Variants in IRAK1BP1 observed in about 807,000 individuals in gnomAD.
IRAK1BP1 encodes interleukin 1 receptor associated kinase 1 binding protein 1.
IRAK1BP1 carries 24 observed loss-of-function variants against 28.0 expected under a neutral mutation model. The observed-to-expected ratio is 0.86, with a 90% CI of 0.62 to 1.20. The LOEUF (loss-of-function observed/expected upper bound fraction) is 1.20, where lower values mean the gene tolerates loss of function less well. Ranked by LOEUF, IRAK1BP1 falls within the 50% of genes most tolerant of loss-of-function variation. IRAK1BP1 has a pLI of 0.00. For missense variants in IRAK1BP1, 336 were observed against 316.7 expected, an observed-to-expected ratio of 1.06 and a Z score of -0.46; for synonymous variants, 131 against 116.3, an observed-to-expected ratio of 1.13 and a Z score of -0.81.
downstream of IRAK1BP1, among the ~76,000 whole-genome samples, chr6:78,948,004 G>T (rs1320242038): frequency 6.6e-6 from 1 of 151,720 alleles, no homozygotes; most frequent in African/African-American, 2.4e-5. Context: ...GAACACAGAA[G>T]TTATTAATTT....
intron 4 of IRAK1BP1, chr6:78,941,352 C>CT (rs1206634678): frequency 1.3e-6 from 2 of 1,571,118 alleles, no homozygotes; most frequent in Non-Finnish European, 1.7e-6. Flanking sequence ...CAACAGTACA[C>CT]TTAATATATG....
At chr6:78,967,282 A>C in the IRAK1BP1 span, among the ~76,000 whole-genome samples, 2 of 152,216 alleles carry the variant, frequency 1.3e-5, no homozygotes, top group Non-Finnish European at 2.9e-5. Flanking sequence ...TACTAGTGAC[A>C]CTTAACAAAA....
chr6:78,953,158 G>A, the IRAK1BP1 span, among the ~76,000 whole-genome samples: 7 of 151,790 alleles, frequency 4.6e-5, no homozygotes, highest in Non-Finnish European at 8.8e-5. Context: ...TGTAAGTTTA[G>A]GAAAATTTCT....
rs1772032270 is a variant in IRAK1BP1 at position 78,899,818 on chromosome 6, C to A, written c.*1484C>A. On this transcript the variant is annotated 3_prime_UTR_variant, in exon 4 of 4. Transcript: ENST00000369940. ...TAATTTTAATAACATTTTATTTAAC[C>A]AAATATATCAAAAATATTATTTCAG... The A allele has an allele frequency of 6.6e-6, 1 of 152,054 alleles. No homozygotes were observed. The highest frequency in any genetic ancestry group is 2.4e-5 in the African/African-American group (1 of 41,396). 9.4% of individuals were successfully genotyped at this position (152,054 alleles called of 1,614,324 possible). A position where few individuals can be genotyped will look rare whatever the true frequency, so the allele number is the denominator to read the frequency against.
chr6:78,976,200 G>C, the IRAK1BP1 span, among the ~76,000 whole-genome samples: 15 of 149,316 alleles, frequency 1.0e-4, no homozygotes, highest in East Asian at 1.4e-3. Flanking sequence ...GAACAGAACA[G>C]AGCCCTCAGA....
At chr6:78,955,203 T>G in the IRAK1BP1 span, 1 of 1,491,890 alleles carries the variant, frequency 6.7e-7, no homozygotes, top group Non-Finnish European at 9.3e-7. Context: ...TCATATAAAG[T>G]ACTTCTGCTA....
chr6:78,956,507 T>A, the IRAK1BP1 span: 1 of 152,100 alleles, frequency 6.6e-6, no homozygotes, highest in South Asian at 2.1e-4. Context: ...AACATGTTAT[T>A]CTCATGTTAA....
intron 1 of IRAK1BP1, among the ~76,000 whole-genome samples, chr6:78,873,547 T>C (rs1221183591): frequency 6.6e-6 from 1 of 152,076 alleles, no homozygotes; most frequent in East Asian, 1.9e-4. Flanking sequence ...ATTACTATCA[T>C]TGTTCACTGC....
the IRAK1BP1 span, among the ~76,000 whole-genome samples, chr6:78,979,153 C>T: frequency 1.3e-5 from 2 of 152,034 alleles, no homozygotes; most frequent in South Asian, 2.1e-4. Flanking sequence ...ACCAATCCTC[C>T]GTGTCTACTG....
intron 1 of IRAK1BP1, among the ~76,000 whole-genome samples, chr6:78,884,257 A>G (rs1771333875): frequency 6.6e-6 from 1 of 152,128 alleles, no homozygotes; most frequent in African/African-American, 2.4e-5. Context: ...TTTAGATGCA[A>G]CCATGTCTTC....
chr6:78,910,077 C>T (rs1772364030), intron 4 of IRAK1BP1, among the ~76,000 whole-genome samples: 1 of 152,086 alleles, frequency 6.6e-6, no homozygotes. Flanking sequence ...GATGACCCTT[C>T]GGAGTTTCAC....
chr6:78,875,611 T>C (rs1770971082), intron 1 of IRAK1BP1, among the ~76,000 whole-genome samples: 1 of 152,222 alleles, frequency 6.6e-6, no homozygotes, highest in African/African-American at 2.4e-5. Flanking sequence ...GCCATTATCC[T>C]ACCCCAGTGC....
At chr6:78,892,034 T>G (rs1489786546) in intron 2 of IRAK1BP1, among the ~76,000 whole-genome samples, 1 of 152,202 alleles carries the variant, frequency 6.6e-6, no homozygotes, top group Non-Finnish European at 1.5e-5. Flanking sequence ...TCTTTGAACA[T>G]TAAGCCAAAA....
At chr6:78,911,097 G>A (rs929468577) in intron 4 of IRAK1BP1, among the ~76,000 whole-genome samples, 33 of 152,104 alleles carry the variant, frequency 2.2e-4, no homozygotes, top group African/African-American at 7.7e-4. Context: ...TCCTTCTGCT[G>A]CCAGCAGCTG....
At chr6:78,957,704 A>G in the IRAK1BP1 span, 2 of 152,008 alleles carry the variant, frequency 1.3e-5, no homozygotes, top group Non-Finnish European at 2.9e-5. Flanking sequence ...AATTCAATAC[A>G]AATAATGACA....
intron 1 of IRAK1BP1, among the ~76,000 whole-genome samples, chr6:78,884,590 T>A (rs1771346895): frequency 6.6e-6 from 1 of 152,112 alleles, no homozygotes; most frequent in African/African-American, 2.4e-5. Flanking sequence ...GTGAGTGCCT[T>A]CTCTATGCCA....
chr6:78,896,287 G>A (rs2127653483), intron 2 of IRAK1BP1, among the ~76,000 whole-genome samples: 1 of 146,302 alleles, frequency 6.8e-6, no homozygotes, highest in East Asian at 2.0e-4. Context: ...TGAAAAAGCA[G>A]CATCTTTATT....
intron 4 of IRAK1BP1, among the ~76,000 whole-genome samples, chr6:78,925,084 A>T (rs1266714884): frequency 6.7e-6 from 1 of 149,186 alleles, no homozygotes. Flanking sequence ...AAAACCAAAC[A>T]CGCACGTTCT....
intron 1 of IRAK1BP1, chr6:78,872,025 C>A: frequency 3.1e-6 from 2 of 651,566 alleles, no homozygotes; most frequent in Non-Finnish European, 2.8e-6. Flanking sequence ...AGTCCTCTCC[C>A]CCAGCCCCAG....
Sources: allele counts gnomAD v4.1 joint callset (sites outside exome capture counted in the v4.1 genomes callset), GRCh38; gene constraint gnomAD v4.1.1; transcripts MANE v1.5; gene names NCBI Gene and HGNC (gene_info 2026-07-23, HGNC 2026-07-21).